Variants in TTC34 observed in about 807,000 individuals in gnomAD.
TTC34 encodes the protein tetratricopeptide repeat protein 34.
A neutral mutation model predicts 40.7 loss-of-function variants in TTC34; 44 were observed. The observed-to-expected ratio is 1.08, with a 90% CI of 0.85 to 1.39. The LOEUF (loss-of-function observed/expected upper bound fraction) is 1.39. Among genes scored for constraint, TTC34 ranks in the 40% most tolerant of loss-of-function variants. TTC34 has a pLI of 0.00. For missense variants in TTC34, 884 were observed against 838.0 expected (o/e 1.05, Z -0.68); for synonymous variants, 422 against 398.6 (o/e 1.06, Z -0.70).
At chr1:2,681,974 C>T (rs1640094780) in intron 6 of TTC34, among the ~76,000 whole-genome samples, 1 of 123,306 alleles carries the variant, frequency 8.1e-6, no homozygotes, top group Non-Finnish European at 1.7e-5. Context: ...CGGCCTGGAA[C>T]AGCACCCACA....
At chr1:2,801,082 G>T (rs1310897093) in intron 1 of TTC34, among the ~76,000 whole-genome samples, 1 of 152,082 alleles carries the variant, frequency 6.6e-6, no homozygotes, top group Non-Finnish European at 1.5e-5. Context: ...TCACCTCTGG[G>T]GCCTCAGTTT....
intron 6 of TTC34, among the ~76,000 whole-genome samples, chr1:2,683,251 G>T (rs1640158069): frequency 6.8e-6 from 1 of 147,660 alleles, no homozygotes; most frequent in African/African-American, 2.5e-5. Context: ...GCATCTGATG[G>T]TTTGCAGCAG....
intron 6 of TTC34, among the ~76,000 whole-genome samples, chr1:2,764,147 G>A (rs1489556332): frequency 6.8e-6 from 1 of 147,878 alleles, no homozygotes; most frequent in African/African-American, 2.5e-5. Context: ...CACTCTTCCA[G>A]GTGAGAATCT....
intron 6 of TTC34, among the ~76,000 whole-genome samples, chr1:2,750,745 T>G (rs1366456843): frequency 2.3e-4 from 3 of 12,874 alleles, no homozygotes; most frequent in African/African-American, 1.0e-3. Context: ...GAGCATCTGA[T>G]GGTCTGGAGC....
In TTC34 at chr1:2,687,345, A is replaced by T. The variant is rs568750005; in HGVS notation, c.2227-41782T>A. Among the ~76,000 whole-genome samples, 208 of 135,650 alleles carry T rather than the reference A, an allele frequency of 1.5e-3. 24 individuals are homozygous for T. The highest frequency in any genetic ancestry group is 6.2e-3 in the African/African-American group (200 of 32,264). 89.0% of individuals were successfully genotyped at this position (135,650 alleles called of 152,430 possible). On this transcript the variant is annotated intron_variant, in intron 6 of 8. Coordinates refer to ENST00000401095, the Ensembl canonical transcript of TTC34. ...CCAAACCCACAGGTGAGCATCCGACAGCCTGGAGCAGCACCCCCACCCCCA... is the reference window on the plus strand; with the variant it reads ...CCAAACCCACAGGTGAGCATCCGACTGCCTGGAGCAGCACCCCCACCCCCA...
At chr1:2,686,745 C>G (rs372419532) in intron 6 of TTC34, among the ~76,000 whole-genome samples, 7 of 66,008 alleles carry the variant, frequency 1.1e-4, no homozygotes, top group South Asian at 5.7e-4. Flanking sequence ...ATCTGACAGC[C>G]TGGAACGGCA....
intron 6 of TTC34, among the ~76,000 whole-genome samples, chr1:2,687,431 G>T (rs1640414937): frequency 1.3e-5 from 2 of 149,660 alleles, no homozygotes; most frequent in African/African-American, 2.5e-5. Flanking sequence ...TGATGGTCTG[G>T]AGCAGCACCC....
At chr1:2,642,242 C>T (rs998869256) in intron 8 of TTC34, among the ~76,000 whole-genome samples, 2 of 152,198 alleles carry the variant, frequency 1.3e-5, no homozygotes, top group African/African-American at 4.8e-5. Flanking sequence ...TCATGGTCCC[C>T]TCCTGGCAGC....
At chr1:2,683,480 C>G (rs1319273846) in intron 6 of TTC34, among the ~76,000 whole-genome samples, 16 of 117,310 alleles carry the variant, frequency 1.4e-4, no homozygotes, top group African/African-American at 5.0e-4. Flanking sequence ...CACCACCAGG[C>G]GAGCATCTGA....
At chr1:2,684,264 CG>C (rs1557608118) in intron 6 of TTC34, among the ~76,000 whole-genome samples, 1 of 145,094 alleles carries the variant, frequency 6.9e-6, no homozygotes, top group East Asian at 2.0e-4. Context: ...CAGCCTGGAG[CG>C]GAACCCACGC....
exon 9 of TTC34, chr1:2,641,548 G>T (rs1244230862): frequency 2.0e-6 from 3 of 1,533,644 alleles, no homozygotes; most frequent in Non-Finnish European, 2.6e-6. Context: ...TGGGGGCCCG[G>T]CCTGGCTGCC....
At chr1:2,688,023 G>T (rs1640445042) in intron 6 of TTC34, among the ~76,000 whole-genome samples, 2 of 137,134 alleles carry the variant, frequency 1.5e-5, no homozygotes, top group African/African-American at 5.9e-5. Flanking sequence ...GCGAGCATCT[G>T]ACTGCATGTA....
chr1:2,646,136 C>T (rs973785867), intron 6 of TTC34, among the ~76,000 whole-genome samples: 4 of 152,212 alleles, frequency 2.6e-5, no homozygotes, highest in Non-Finnish European at 4.4e-5. Flanking sequence ...CTGGCCCTAA[C>T]TATGCCTCTT....
intron 6 of TTC34, among the ~76,000 whole-genome samples, chr1:2,656,417 C>T (rs1370487529): frequency 6.6e-5 from 4 of 60,952 alleles, no homozygotes; most frequent in Non-Finnish European, 9.5e-5. Flanking sequence ...CACCCACACC[C>T]CCAGGTGAGC....
At chr1:2,750,106 C>G (rs1246756780) in intron 6 of TTC34, among the ~76,000 whole-genome samples, 1 of 117,576 alleles carries the variant, frequency 8.5e-6, no homozygotes, top group African/African-American at 2.8e-5. Flanking sequence ...ATCTGACAGC[C>G]TGGAACAGCA....
chr1:2,800,741 G>A (rs1009802242), exon 2 of TTC34: 5 of 398,788 alleles, frequency 1.3e-5, no homozygotes, highest in African/African-American at 2.1e-5. Flanking sequence ...CCAGGTAGAA[G>A]GCGGTGGCCA....
chr1:2,800,410 G>A (rs1052640751), exon 2 of TTC34: 10 of 398,350 alleles, frequency 2.5e-5, no homozygotes, highest in Non-Finnish European at 3.5e-5. Context: ...CGGGTCAGCC[G>A]CAGCTCCAGG....
intron 6 of TTC34, among the ~76,000 whole-genome samples, chr1:2,688,336 G>A (rs1640466824): frequency 6.8e-6 from 1 of 147,172 alleles, no homozygotes; most frequent in African/African-American, 2.6e-5. Context: ...ACACCCCCAG[G>A]TGAGCATCGG....
chr1:2,649,135 A>T (rs1639076756), intron 6 of TTC34, among the ~76,000 whole-genome samples: 4 of 151,888 alleles, frequency 2.6e-5, no homozygotes, highest in Admixed American at 2.6e-4. Flanking sequence ...CCCCCAGGTG[A>T]GTGTCTTACA....
Sources: allele counts gnomAD v4.1 joint callset (sites outside exome capture counted in the v4.1 genomes callset), GRCh38; gene constraint gnomAD v4.1.1; transcripts MANE v1.5; gene names NCBI Gene and HGNC (gene_info 2026-07-23, HGNC 2026-07-21).